Variants in ARHGAP15 observed in about 807,000 individuals in gnomAD.
ARHGAP15 encodes the protein rho GTPase-activating protein 15.
A neutral mutation model predicts 63.7 loss-of-function variants in ARHGAP15; 51 were observed. The ratio of observed to expected loss-of-function variants is 0.80; its 90% CI spans 0.64 to 1.01. ARHGAP15 has a LOEUF of 1.01. Among genes scored for constraint, ARHGAP15 ranks in the 50% least tolerant of loss-of-function variants. ARHGAP15 has a pLI of 0.00. For missense variants in ARHGAP15, 560 were observed against 564.6 expected (o/e 0.99, Z 0.08); for synonymous variants, 191 against 193.8 (o/e 0.99, Z 0.12).
chr2:143,579,772 G>T (rs1365910882), intron 11 of ARHGAP15, among the ~76,000 whole-genome samples: 1 of 151,804 alleles, frequency 6.6e-6, no homozygotes, highest in Non-Finnish European at 1.5e-5. Context: ...TATTTGGGGG[G>T]TATAATTTTA....
intron 13 of ARHGAP15, among the ~76,000 whole-genome samples, chr2:143,720,961 C>T (rs1440464606): frequency 1.4e-5 from 2 of 145,360 alleles, no homozygotes; most frequent in Non-Finnish European, 3.0e-5. Flanking sequence ...CCCAGCTACT[C>T]GGGAGGCTGA....
chr2:143,260,139 G>A (rs1319479409), intron 6 of ARHGAP15, among the ~76,000 whole-genome samples: 1 of 152,088 alleles, frequency 6.6e-6, no homozygotes, highest in Non-Finnish European at 1.5e-5. Context: ...TAATGACTCA[G>A]AAACTCGTAA....
intron 6 of ARHGAP15, among the ~76,000 whole-genome samples, chr2:143,336,553 G>A (rs1314979356): frequency 8.1e-6 from 1 of 124,030 alleles, no homozygotes; most frequent in Non-Finnish European, 1.8e-5. Flanking sequence ...GGAATCCTTT[G>A]CCCATGGATT....
intron 13 of ARHGAP15, among the ~76,000 whole-genome samples, chr2:143,746,001 G>A (rs745431353): frequency 5.9e-5 from 9 of 152,148 alleles, no homozygotes; most frequent in African/African-American, 1.7e-4. Flanking sequence ...AAGCAGCTTC[G>A]TCAAATCAGC....
intron 6 of ARHGAP15, among the ~76,000 whole-genome samples, chr2:143,304,204 C>A (rs901786152): frequency 4.6e-5 from 7 of 152,074 alleles, no homozygotes; most frequent in Non-Finnish European, 7.4e-5. Flanking sequence ...GGAACCAACC[C>A]AAATGTCCAT....
intron 4 of ARHGAP15, among the ~76,000 whole-genome samples, chr2:143,220,315 A>C (rs1472346596): frequency 1.3e-5 from 2 of 151,684 alleles, no homozygotes; most frequent in Non-Finnish European, 2.9e-5. Flanking sequence ...CCATCCACCC[A>C]CCTTATGCGG....
At chr2:143,182,352 G>C (rs1456314988) in intron 2 of ARHGAP15, among the ~76,000 whole-genome samples, 6 of 152,136 alleles carry the variant, frequency 3.9e-5, no homozygotes, top group Non-Finnish European at 8.8e-5. Context: ...GCAGAGGAGA[G>C]GGAAAGAGAC....
chr2:143,315,177 T>A (rs967446381), intron 6 of ARHGAP15, among the ~76,000 whole-genome samples: 1 of 152,160 alleles, frequency 6.6e-6, no homozygotes, highest in Admixed American at 6.6e-5. Context: ...TATCAGCCTT[T>A]CATAAAACAG....
Position 143,215,282 on chromosome 2 carries a change from AT to A in ARHGAP15, c.235-1096del, listed in dbSNP as rs201736553. 3.5e-5 allele frequency among the ~76,000 whole-genome samples: 5 copies of A among 141,534 alleles called. No individual in the cohort carries two copies. The East Asian group carries it at 1.0e-3, about 28-fold the overall frequency. The allele number at this position is 141,534 out of a possible 152,430, so 92.9% of individuals were successfully genotyped here. ...CACATTAAAATTTGGTTTTCTTCTT[AT>A]TTTTTGAGATGGGGTTCTTGCTATT... On this transcript the variant is annotated intron_variant, in intron 3 of 13. Transcript: ENST00000295095.
intron 13 of ARHGAP15, among the ~76,000 whole-genome samples, chr2:143,726,099 A>C (rs1332406492): frequency 7.9e-5 from 12 of 152,228 alleles, no homozygotes; most frequent in Admixed American, 6.5e-4. Flanking sequence ...TTGCCAGATT[A>C]TCACCAGGAT....
chr2:143,469,987 T>A (rs1318554252), intron 8 of ARHGAP15, among the ~76,000 whole-genome samples: 1 of 151,870 alleles, frequency 6.6e-6, no homozygotes, highest in Non-Finnish European at 1.5e-5. Context: ...CTCTCCATAA[T>A]TGTCAGATAC....
At chr2:143,215,464 A>G (rs1361211257) in intron 3 of ARHGAP15, among the ~76,000 whole-genome samples, 1 of 152,126 alleles carries the variant, frequency 6.6e-6, no homozygotes, top group Non-Finnish European at 1.5e-5. Context: ...AGATGAAGAC[A>G]TGGTCATGGT....
chr2:143,621,089 G>A (rs184637686), intron 11 of ARHGAP15, among the ~76,000 whole-genome samples: 1 of 152,244 alleles, frequency 6.6e-6, no homozygotes, highest in East Asian at 1.9e-4. Flanking sequence ...GGGGAGATAC[G>A]TGGCAATCTC....
intron 8 of ARHGAP15, among the ~76,000 whole-genome samples, chr2:143,466,792 A>G (rs1041832950): frequency 6.6e-6 from 1 of 152,096 alleles, no homozygotes; most frequent in African/African-American, 2.4e-5. Context: ...GCCACCCTAC[A>G]AGACCATATT....
intron 2 of ARHGAP15, among the ~76,000 whole-genome samples, chr2:143,158,061 C>A (rs990867210): frequency 2.0e-5 from 3 of 151,814 alleles, no homozygotes; most frequent in Admixed American, 2.0e-4. Flanking sequence ...TACTTGTTCA[C>A]TAGTATAACA....
At chr2:143,421,469 G>C (rs1253518642) in intron 6 of ARHGAP15, among the ~76,000 whole-genome samples, 2 of 151,948 alleles carry the variant, frequency 1.3e-5, no homozygotes, top group Non-Finnish European at 2.9e-5. Flanking sequence ...GACTGGGAGA[G>C]AAAGAGGGAG....
At chr2:143,610,794 T>A (rs1441970873) in intron 11 of ARHGAP15, among the ~76,000 whole-genome samples, 1 of 151,510 alleles carries the variant, frequency 6.6e-6, no homozygotes, top group Non-Finnish European at 1.5e-5. Context: ...AGTGGTGTGA[T>A]CTCGGCTCAC....
intron 9 of ARHGAP15, among the ~76,000 whole-genome samples, chr2:143,504,598 C>T (rs771419889): frequency 3.2e-4 from 48 of 152,344 alleles, no homozygotes; most frequent in Middle Eastern, 3.4e-3. Flanking sequence ...CAAGTCATGG[C>T]TCCCTCCTGT....
chr2:143,470,677 G>GTA (rs1261308143), intron 8 of ARHGAP15, among the ~76,000 whole-genome samples: 29 of 142,224 alleles, frequency 2.0e-4, no homozygotes, highest in Non-Finnish European at 2.9e-4. Flanking sequence ...ATATGTGTGT[G>GTA]TATATATATA....
Sources: allele counts gnomAD v4.1 joint callset (sites outside exome capture counted in the v4.1 genomes callset), GRCh38; gene constraint gnomAD v4.1.1; transcripts MANE v1.5; gene names NCBI Gene and HGNC (gene_info 2026-07-23, HGNC 2026-07-21).